Variants in ACE observed in about 807,000 individuals in gnomAD.
The protein encoded by ACE is angiotensin-converting enzyme.
A neutral mutation model predicts 162.3 loss-of-function variants in ACE; 122 were observed. The ratio of observed to expected loss-of-function variants is 0.75; its 90% CI spans 0.65 to 0.87. The LOEUF (loss-of-function observed/expected upper bound fraction) is 0.87, where lower values mean the gene tolerates loss of function less well. ACE is among the 40% of genes least tolerant of loss of function. The pLI is 0.00. For synonymous variants in ACE, 796 were observed against 720.6 expected, an observed-to-expected ratio of 1.10 and a Z score of -1.68; for missense variants, 1,799 against 1,735.1, an observed-to-expected ratio of 1.04 and a Z score of -0.65.
At position 63,489,030 on chromosome 17, in the gene ACE, C is replaced by G; in HGVS notation, c.2539C>G (p.Pro847Ala). 6.2e-7 allele frequency: 1 copy of G among 1,614,196 alleles called. No individual in the cohort carries two copies. The change falls in exon 17 of 25, where the codon CCA becomes GCA. Residue 847 changes from proline (P) to alanine (A), a missense_variant. By Grantham distance (27) the Pro-to-Ala change is conservative. Coordinates refer to ENST00000290866, the MANE Select transcript of ACE (RefSeq NM_000789.4). The part of the protein sequence containing the change: ...DLERLFQELQ[P>A]LYLNLHAYVR... ...GGAGCGGCTCTTCCAGGAGCTGCAGCCACTCTACCTCAACCTGCATGCCTA... is the reference window on the plus strand; with the variant it reads ...GGAGCGGCTCTTCCAGGAGCTGCAGGCACTCTACCTCAACCTGCATGCCTA...
At position 63,483,992 on chromosome 17, in the gene ACE, G is replaced by A. The variant is rs1182848685; in HGVS notation, c.1709+21G>A. ...CTCCGGTGTGTGGTGGGAAGCCGGG[G>A]GAAGTGGGAGGCAGAGAGGAGCGGC... On this transcript the variant is annotated intron_variant, in intron 11 of 24. Transcript: ENST00000290866. 3.7e-6 allele frequency: 6 copies of A among 1,605,038 alleles called. No individual in the cohort carries two copies. The African/African-American group carries it at 5.3e-5, about 14-fold the overall frequency.
intron 22 of ACE, among the ~76,000 whole-genome samples, chr17:63,495,985 T>C (rs1010901475): frequency 1.3e-5 from 2 of 152,188 alleles, no homozygotes; most frequent in Non-Finnish European, 2.9e-5. Context: ...CATGTAGGAC[T>C]GGCTTCCCTG....
chr17:63,480,953 T>A, intron 5 of ACE, 138 bp from the exon 6 acceptor site: 1 of 799,298 alleles, frequency 1.3e-6, no homozygotes, highest in Non-Finnish European at 2.2e-6. Context: ...TGTGTGAGAT[T>A]TCTGGCCCTA....
intron 15 of ACE, among the ~76,000 whole-genome samples, chr17:63,488,381 A>G (rs75273512): frequency 6.8e-5 from 9 of 132,884 alleles, no homozygotes; most frequent in African/African-American, 1.9e-4. Context: ...AAAAAAAAAA[A>G]GGAGAGGAGA....
chr17:63,496,717 G>T, intron 23 of ACE, 81 bp from the exon 24 acceptor site: 1 of 1,594,232 alleles, frequency 6.3e-7, no homozygotes, highest in South Asian at 1.1e-5. Context: ...AGCTGGGAGT[G>T]GGTATGGAGA....
Position 63,483,186 on chromosome 17 carries a change from A to G in ACE, c.1487+13A>G, listed in dbSNP as rs199575405. 1 of 1,613,136 alleles carries G rather than the reference A, an allele frequency of 6.2e-7. No individual in the cohort carries two copies. Among genetic ancestry groups the G allele is most frequent in the East Asian group, 2.2e-5 (1 of 44,834 alleles). ...GGTGGTATCTTCGGTGAGAGGAGGG[A>G]TAGAAAAGCCTTCGCCCCAGCTAGC... On this transcript the variant is annotated intron_variant, in intron 9 of 24. Transcript: ENST00000290866.
At position 63,489,032 on chromosome 17, in the gene ACE, A is replaced by G. The variant is rs1295993343; in HGVS notation, c.2541A>G (p.Pro847=). The G allele has an allele frequency of 2.5e-6, 4 of 1,613,896 alleles. No individual in the cohort carries two copies. Among genetic ancestry groups the G allele is most frequent in the South Asian group, 2.2e-5 (2 of 91,062 alleles). Residue 847 remains proline (P), a synonymous_variant, in exon 17 of 25, where the codon CCA becomes CCG. Coordinates refer to ENST00000290866, the MANE Select transcript of ACE (RefSeq NM_000789.4). ...DLERLFQELQ[P]LYLNLHAYVR... is the part of the protein sequence containing the mutation. ...AGCGGCTCTTCCAGGAGCTGCAGCC[A>G]CTCTACCTCAACCTGCATGCCTACG...
chr17:63,482,701 C>A lies in ACE; in HGVS notation c.1342+12C>A. Reference sequence around the variant, plus strand: ...CACCAATGACACGGGTATGGGAGGGCTGAGAGGCCCCCACCCAGCCTCACC... The same window carrying A: ...CACCAATGACACGGGTATGGGAGGGATGAGAGGCCCCCACCCAGCCTCACC... On this transcript the variant is annotated intron_variant, in intron 8 of 24. Transcript: ENST00000290866. The A allele has an allele frequency of 6.2e-7, 1 of 1,612,504 alleles. No individual in the cohort carries two copies. Among genetic ancestry groups the A allele is most frequent in the Non-Finnish European group, 8.5e-7 (1 of 1,179,174 alleles).
chr17:63,483,884 A>G lies in ACE; in HGVS notation c.1622A>G (p.His541Arg), dbSNP rs776858777. 2 of 1,614,062 alleles carry G rather than the reference A, an allele frequency of 1.2e-6. No individual in the cohort carries two copies. The highest frequency in any genetic ancestry group is 8.5e-7 in the Non-Finnish European group (1 of 1,180,018). The change falls in exon 11 of 25, where the codon CAT becomes CGT. Residue 541 changes from histidine to arginine, a missense_variant. His to Arg is a conservative substitution (Grantham distance 29). Transcript: ENST00000290866. ...FVSFVLQFQF[H>R]EALCKEAGYE... The stretch of plus-strand genomic sequence containing the variant: ...AGTTTTGTCCTGCAGTTCCAGTTCC[A>G]TGAAGCCCTGTGCAAGGAGGCAGGC...
In ACE at chr17:63,480,535, A is replaced by AC. The variant is rs781208335; in HGVS notation, c.847+9dup. 37 of 1,613,286 alleles carry AC rather than the reference A, an allele frequency of 2.3e-5. No homozygotes were observed. The highest frequency in any genetic ancestry group is 3.0e-5 in the Non-Finnish European group (35 of 1,180,008). ...ATCCCTGCTCATCTGCTGGGTAAGG[A>AC]CCTGGCCTCGCCTCCACATGAGTCC... On this transcript the variant is annotated splice_region_variant and intron_variant, in intron 5 of 24. Coordinates refer to ENST00000290866, the MANE Select transcript of ACE (RefSeq NM_000789.4).
At position 63,484,511 on chromosome 17, in the gene ACE, C is replaced by T. The variant is rs2029863021; in HGVS notation, c.1891C>T (p.Pro631Ser). 1 of 1,611,776 alleles carries T rather than the reference C, an allele frequency of 6.2e-7. No homozygotes were observed. The highest frequency in any genetic ancestry group is 1.1e-5 in the South Asian group (1 of 90,832). Residue 631 changes from proline to serine, a missense_variant, in exon 12 of 25, where the codon CCG becomes TCG. By Grantham distance (74) the Pro-to-Ser change is moderately conservative. Coordinates refer to ENST00000290866, the MANE Select transcript of ACE (RefSeq NM_000789.4). The surrounding 1 kb of genome is among the most constrained non-coding windows in gnomAD (Gnocchi z 4.0). ...CTGGCCCGAGTACCAGTGGCACCCGCCGTTGCCTGACAACTACCCGGAGGG... is the reference window on the plus strand; with the variant it reads ...CTGGCCCGAGTACCAGTGGCACCCGTCGTTGCCTGACAACTACCCGGAGGG... The part of the protein sequence containing the change: ...LGWPEYQWHP[P>S]LPDNYPEGID...
intron 20 of ACE, 124 bp from the exon 21 acceptor site, chr17:63,493,798 C>T (rs1599154688): frequency 3.3e-6 from 5 of 1,532,526 alleles, no homozygotes; most frequent in Non-Finnish European, 4.5e-6. Context: ...CCACCCAGAC[C>T]ATCCCAGGAG....
Position 63,494,036 on chromosome 17 carries a change from A to G in ACE, c.3251A>G (p.Glu1084Gly). ...GTATTTGATGGAAGCATCACCAAGG[A>G]GAACTATAACCAGGAGTGGTGGAGC... ...WRVFDGSITK[E>G]NYNQEWWSLR... Residue 1084 changes from glutamate (E) to glycine (G), a missense_variant, in exon 21 of 25, where the codon GAG becomes GGG. Coordinates refer to ENST00000290866, the MANE Select transcript of ACE (RefSeq NM_000789.4). The G allele has an allele frequency of 1.2e-6, 2 of 1,614,116 alleles. No individual in the cohort carries two copies. The highest frequency in any genetic ancestry group is 1.7e-6 in the Non-Finnish European group (2 of 1,180,026).
Position 63,497,677 on chromosome 17 carries a change from C to T in ACE, c.*311C>T, listed in dbSNP as rs899240610. 3.4e-6 allele frequency: 2 copies of T among 581,502 alleles called. No homozygotes were observed. Among genetic ancestry groups the T allele is most frequent in the African/African-American group, 3.7e-5 (2 of 54,090 alleles). 36.0% of individuals were successfully genotyped at this position (581,502 alleles called of 1,614,324 possible). ...GGACAGGGACAGGCTGCTTTCCTGCCTCCTGGCAGTCAAGTGGGTCCCGTT... is the reference window on the plus strand; with the variant it reads ...GGACAGGGACAGGCTGCTTTCCTGCTTCCTGGCAGTCAAGTGGGTCCCGTT... On this transcript the variant is annotated 3_prime_UTR_variant, in exon 25 of 25. Coordinates refer to ENST00000290866, the MANE Select transcript of ACE (RefSeq NM_000789.4).
Position 63,495,012 on chromosome 17 carries a change from A to G in ACE, c.3380+542A>G, listed in dbSNP as rs140549280. Among the ~76,000 whole-genome samples, 455 of 152,238 alleles carry G rather than the reference A, an allele frequency of 3.0e-3. 1 individual carries two copies. Among genetic ancestry groups the G allele is most frequent in the African/African-American group, 0.011 (445 of 41,536 alleles). On this transcript the variant is annotated intron_variant, in intron 22 of 24. Transcript: ENST00000290866. ...CTCCATTACTTTGTTTCCTTGAGAA[A>G]ATTCCTCAATTTCTGTGAGCTTCCA...
intron 23 of ACE, 99 bp from the exon 24 acceptor site, chr17:63,496,699 C>A (rs1202368463): frequency 1.3e-6 from 2 of 1,588,318 alleles, no homozygotes; most frequent in Middle Eastern, 1.8e-4. Context: ...GGCCCTGGGA[C>A]AAGTTTCAGC....
intron 19 of ACE, among the ~76,000 whole-genome samples, chr17:63,492,864 TAAATA>T (rs2030472887): frequency 1.3e-5 from 2 of 151,926 alleles, no homozygotes; most frequent in Admixed American, 6.6e-5. Context: ...TCATAAAAAA[TAAATA>T]AGTAAATGAG....
At chr17:63,481,938 T>G (rs933201293) in intron 7 of ACE, among the ~76,000 whole-genome samples, 200 bp downstream of exon 7, 25 of 152,088 alleles carry the variant, frequency 1.6e-4, no homozygotes, top group Admixed American at 1.6e-3. Context: ...TGACAAATAG[T>G]CACTTCTATA....
intron 3 of ACE, 109 bp from the exon 4 acceptor site, chr17:63,479,660 T>G: frequency 6.9e-7 from 1 of 1,455,942 alleles, no homozygotes; most frequent in Non-Finnish European, 9.5e-7. Flanking sequence ...GGCACCGTGA[T>G]GTTCAGGAAG....
Sources: gnomAD v4.1 joint callset for allele counts (sites outside exome capture counted in the v4.1 genomes callset) on GRCh38, gnomAD v4.1.1 for gene constraint, Gnocchi (gnomAD v3.1) non-coding constraint, MANE v1.5 for transcripts, NCBI Gene and HGNC (gene_info 2026-07-23, HGNC 2026-07-21) for gene names.